TFAP2D: variants seen among roughly 807,000 people sequenced by gnomAD.
TFAP2D encodes transcription factor AP-2 delta, also known as transcription factor AP-2-delta.
In TFAP2D, 9 loss-of-function variants were observed where a neutral mutation model predicts 43.6. The observed-to-expected ratio is 0.21, with a 90% CI of 0.12 to 0.36. The LOEUF (loss-of-function observed/expected upper bound fraction) is 0.36, where lower values mean the gene tolerates loss of function less well. Among genes scored for constraint, TFAP2D ranks in the 10% least tolerant of loss-of-function variants. TFAP2D has a pLI of 1.00. For missense variants in TFAP2D, 513 were observed against 561.4 expected (o/e 0.91, Z 0.87); for synonymous variants, 256 against 224.9 (o/e 1.14, Z -1.24).
intron 5 of TFAP2D, among the ~76,000 whole-genome samples, chr6:50,730,808 C>T (rs1768879412): frequency 6.6e-6 from 1 of 151,936 alleles, no homozygotes; most frequent in Non-Finnish European, 1.5e-5. Context: ...TTTAAAGCTC[C>T]CCAGGTGATT....
intron 7 of TFAP2D, among the ~76,000 whole-genome samples, chr6:50,753,600 C>G (rs1042917061): frequency 4.2e-4 from 59 of 140,670 alleles, no homozygotes; most frequent in African/African-American, 1.4e-3. Context: ...ACCCTCACCC[C>G]TAGTGAAAAA....
chr6:50,725,948 C>T (rs1435691826), intron 3 of TFAP2D, among the ~76,000 whole-genome samples: 1 of 152,186 alleles, frequency 6.6e-6, no homozygotes, highest in Non-Finnish European at 1.5e-5. Context: ...GATGCTGTGA[C>T]ATAAAAAATA....
At position 50,745,267 on chromosome 6, in the gene TFAP2D, C is replaced by A; in HGVS notation, c.1025+19C>A. ...CGACCAAGTAAGCAGAATGGGGAAA[C>A]CTCTGTGTGCTTTCATCTTCAGTAT... On this transcript the variant is annotated intron_variant, in intron 6 of 7. Transcript: ENST00000008391. 5.6e-6 allele frequency: 9 copies of A among 1,610,426 alleles called. No homozygotes were observed. The highest frequency in any genetic ancestry group is 6.8e-6 in the Non-Finnish European group (8 of 1,178,990).
chr6:50,715,717 TTCTCC>T, intron 2 of TFAP2D, 104 bp downstream of exon 2: 1 of 1,155,020 alleles, frequency 8.7e-7, no homozygotes, highest in South Asian at 1.5e-5. Flanking sequence ...TCTCTCTCTC[TTCTCC>T]TCTCTCTCTC....
intron 7 of TFAP2D, among the ~76,000 whole-genome samples, chr6:50,753,739 A>T (rs192133734): frequency 7.4e-4 from 112 of 152,128 alleles, no homozygotes; most frequent in African/African-American, 2.2e-3. Context: ...CAATAGTATC[A>T]TCTATAAAAT....
chr6:50,749,673 G>A (rs1472666871), intron 6 of TFAP2D, among the ~76,000 whole-genome samples: 1 of 151,838 alleles, frequency 6.6e-6, no homozygotes, highest in East Asian at 1.9e-4. Context: ...AGATTAAGTT[G>A]CATTCATTGA....
chr6:50,771,584 G>A (rs552148927), intron 7 of TFAP2D, among the ~76,000 whole-genome samples: 9 of 152,308 alleles, frequency 5.9e-5, no homozygotes, highest in African/African-American at 2.2e-4. Flanking sequence ...TCCACACATA[G>A]AATCTAAAGG....
chr6:50,725,374 C>T (rs919019174), intron 3 of TFAP2D, among the ~76,000 whole-genome samples: 1 of 152,130 alleles, frequency 6.6e-6, no homozygotes, highest in African/African-American at 2.4e-5. Context: ...TGCAGCATCA[C>T]TGAAAATAGA....
At position 50,717,066 on chromosome 6, in the gene TFAP2D, G is replaced by C. The variant is rs188282465; in HGVS notation, c.537+1453G>C. Among the ~76,000 whole-genome samples the C allele has an allele frequency of 3.3e-5, 5 of 152,218 alleles. No homozygotes were observed. In the East Asian group the frequency reaches 9.7e-4, roughly 29 times the overall value. On this transcript the variant is annotated intron_variant, in intron 2 of 7. Transcript: ENST00000008391. ...ACAAGGATCCCCTTATGTCTCAAGAGGGAAAAAAATCTGCCATTCAGTGCT... is the reference window on the plus strand; with the variant it reads ...ACAAGGATCCCCTTATGTCTCAAGACGGAAAAAAATCTGCCATTCAGTGCT...
intron 7 of TFAP2D, among the ~76,000 whole-genome samples, chr6:50,759,401 C>A (rs775374579): frequency 1.3e-4 from 20 of 151,922 alleles, no homozygotes; most frequent in Non-Finnish European, 2.2e-4. Context: ...CTCTAAGGTT[C>A]TTTTTAGACC....
At chr6:50,769,287 T>C (rs750494754) in intron 7 of TFAP2D, among the ~76,000 whole-genome samples, 9 of 152,156 alleles carry the variant, frequency 5.9e-5, no homozygotes, top group Non-Finnish European at 8.8e-5. Context: ...AAGCTTAGAG[T>C]TGGAAAGAAC....
chr6:50,740,886 A>G (rs1001140796), intron 5 of TFAP2D, among the ~76,000 whole-genome samples: 7 of 152,186 alleles, frequency 4.6e-5, no homozygotes, highest in African/African-American at 1.2e-4. Flanking sequence ...TTTTGCCATT[A>G]ACTTTCTATT....
intron 5 of TFAP2D, among the ~76,000 whole-genome samples, chr6:50,744,564 T>C (rs1369118698): frequency 6.6e-6 from 1 of 152,200 alleles, no homozygotes; most frequent in Non-Finnish European, 1.5e-5. Flanking sequence ...ACCCCATTTC[T>C]TAAAAATTTA....
chr6:50,733,185 A>G (rs1768917250), intron 5 of TFAP2D, among the ~76,000 whole-genome samples: 2 of 152,086 alleles, frequency 1.3e-5, no homozygotes, highest in Non-Finnish European at 2.9e-5. Context: ...GGGTCTACAT[A>G]ACATAGATTG....
At chr6:50,724,031 C>A (rs1269301386) in intron 3 of TFAP2D, among the ~76,000 whole-genome samples, 1 of 152,094 alleles carries the variant, frequency 6.6e-6, no homozygotes, top group Non-Finnish European at 1.5e-5. Flanking sequence ...TCATCAAAGG[C>A]CTACTTGATT....
At chr6:50,769,333 C>T (rs1378775755) in intron 7 of TFAP2D, among the ~76,000 whole-genome samples, 1 of 152,212 alleles carries the variant, frequency 6.6e-6, no homozygotes, top group Non-Finnish European at 1.5e-5. Context: ...TGTCATTTTA[C>T]AAGGCTAAAT....
intron 5 of TFAP2D, among the ~76,000 whole-genome samples, chr6:50,738,179 G>A (rs189096455): frequency 2.6e-4 from 40 of 152,124 alleles, no homozygotes; most frequent in Admixed American, 1.0e-3. Flanking sequence ...GGACTTTTAT[G>A]AGCTTTTCTA....
chr6:50,729,067 C>G, intron 4 of TFAP2D, 46 bp downstream of exon 4: 1 of 1,608,904 alleles, frequency 6.2e-7, no homozygotes, highest in Non-Finnish European at 8.5e-7. Flanking sequence ...CTAACTGATA[C>G]CATACCCTCA....
intron 5 of TFAP2D, among the ~76,000 whole-genome samples, chr6:50,744,662 G>T (rs1214144047): frequency 6.6e-6 from 1 of 152,002 alleles, no homozygotes; most frequent in African/African-American, 2.4e-5. Context: ...TGGACCCTTC[G>T]CAGGTATTTT....
Sources: gnomAD v4.1 joint callset for allele counts (sites outside exome capture counted in the v4.1 genomes callset) on GRCh38, gnomAD v4.1.1 for gene constraint, MANE v1.5 for transcripts, NCBI Gene and HGNC (gene_info 2026-07-23, HGNC 2026-07-21) for gene names.